AGBL3: variants seen among roughly 807,000 people sequenced by gnomAD.
AGBL3 encodes the protein cytosolic carboxypeptidase 3.
In AGBL3, 68 loss-of-function variants were observed where a neutral mutation model predicts 94.5. The ratio of observed to expected loss-of-function variants is 0.72; its 90% CI spans 0.59 to 0.88. AGBL3 has a LOEUF of 0.88. Among genes scored for constraint, AGBL3 ranks in the 40% least tolerant of loss-of-function variants. AGBL3 has a pLI of 0.00. For synonymous variants in AGBL3, 354 were observed against 370.7 expected (o/e 0.95, Z 0.52); for missense variants, 934 against 1,103.8 (o/e 0.85, Z 2.18).
At chr7:135,133,479 A>C (rs1046476007) in intron 16 of AGBL3, among the ~76,000 whole-genome samples, 2 of 152,232 alleles carry the variant, frequency 1.3e-5, no homozygotes, top group African/African-American at 2.4e-5. Flanking sequence ...CAATTTTGAC[A>C]AACAAGGATA....
chr7:135,010,188 T>C (rs6958457), intron 4 of AGBL3: 314,577 of 326,544 alleles, frequency 0.96, 152,533 homozygotes, highest in Non-Finnish European at 1. Context: ...GCCACCACGC[T>C]CAGCTAATTT....
chr7:135,000,955 A>C (rs1584780526), intron 4 of AGBL3, among the ~76,000 whole-genome samples: 1 of 152,194 alleles, frequency 6.6e-6, no homozygotes, highest in South Asian at 2.1e-4. Context: ...CAGGTATTCT[A>C]TACTATTTCC....
intron 8 of AGBL3, among the ~76,000 whole-genome samples, 192 bp from the exon 9 acceptor site, chr7:135,043,833 T>C (rs1328883865): frequency 6.6e-6 from 1 of 152,130 alleles, no homozygotes; most frequent in Non-Finnish European, 1.5e-5. Context: ...TTAGAATCTA[T>C]AGTTCTCAGA....
At chr7:135,109,263 C>T (rs10227500) in intron 15 of AGBL3, among the ~76,000 whole-genome samples, 73,508 of 152,040 alleles carry the variant, frequency 0.48, 18,142 homozygotes, top group South Asian at 0.66. Flanking sequence ...CTTGGGCCAT[C>T]GAACTGCCAG....
Position 135,115,461 on chromosome 7 carries a change from A to C in AGBL3, c.2192A>C (p.Asp731Ala), listed in dbSNP as rs757729721. The C allele has an allele frequency of 5.7e-4, 881 of 1,551,312 alleles. No individual in the cohort carries two copies. The highest frequency in any genetic ancestry group is 7.4e-4 in the Non-Finnish European group (850 of 1,146,788). ...AAGACTGGCATAAATTGGACAGATG[A>C]TGAAAAAAGAAGCTACAAGGATAAA... ...SKKTGINWTD[D>A]EKRSYKDKGI... Residue 731 changes from aspartate to alanine, a missense_variant, in exon 16 of 17, where the codon GAT becomes GCT. By Grantham distance (126) the Asp-to-Ala change is moderately radical. This residue lies in a region of AGBL3 where 441 missense variants were observed against 518.2 expected (regional missense o/e 0.85). Transcript: ENST00000436302.
At chr7:135,013,119 G>A (rs60560877) in intron 4 of AGBL3, among the ~76,000 whole-genome samples, 1,729 of 152,092 alleles carry the variant, frequency 0.011, 26 homozygotes, top group East Asian at 0.046. Flanking sequence ...CAAAAGACTC[G>A]AACAGACATT....
chr7:135,088,740 G>C (rs1247584933), intron 15 of AGBL3, among the ~76,000 whole-genome samples: 1 of 152,066 alleles, frequency 6.6e-6, no homozygotes, highest in East Asian at 1.9e-4. Context: ...GAAATCTGCT[G>C]TTAGTCTAAT....
At chr7:134,999,981 A>C (rs923150039) in intron 4 of AGBL3, among the ~76,000 whole-genome samples, 1 of 152,220 alleles carries the variant, frequency 6.6e-6, no homozygotes, top group African/African-American at 2.4e-5. Flanking sequence ...CCAGGTGGCC[A>C]TAGGATTTGG....
At chr7:135,133,529 A>T (rs1372028528) in intron 16 of AGBL3, among the ~76,000 whole-genome samples, 1 of 152,216 alleles carries the variant, frequency 6.6e-6, no homozygotes, top group Non-Finnish European at 1.5e-5. Context: ...AAGAACTTTT[A>T]TATAGCTAGA....
At chr7:135,058,768 C>T (rs1390239303) in intron 11 of AGBL3, among the ~76,000 whole-genome samples, 2 of 151,902 alleles carry the variant, frequency 1.3e-5, no homozygotes, top group Non-Finnish European at 2.9e-5. Flanking sequence ...TTCTTTTTTC[C>T]CCCCCAAGAC....
At chr7:134,996,555 T>C (rs11973318) in intron 4 of AGBL3, among the ~76,000 whole-genome samples, 18,366 of 152,222 alleles carry the variant, frequency 0.12, 1,253 homozygotes, top group East Asian at 0.19. Flanking sequence ...TACACAGTCA[T>C]CTATCTTGAA....
rs145262158 is a variant in AGBL3, at chr7:135,102,198, G to A, written c.2111-13182G>A. 2.3e-3 allele frequency among the ~76,000 whole-genome samples: 345 copies of A among 152,180 alleles called. 1 individual carries two copies. Among genetic ancestry groups the A allele is most frequent in the African/African-American group, 7.6e-3 (314 of 41,538 alleles). The stretch of plus-strand genomic sequence containing the variant: ...AAGTAAGGCTAAAGTCAAATTCACC[G>A]CTCCAAATCTGTGATTACTTAAATA... On this transcript the variant is annotated intron_variant, in intron 15 of 16. Coordinates refer to ENST00000436302, the MANE Select transcript of AGBL3 (RefSeq NM_178563.4).
At chr7:135,042,475 A>G (rs940302510) in intron 8 of AGBL3, among the ~76,000 whole-genome samples, 15 of 152,220 alleles carry the variant, frequency 9.9e-5, no homozygotes, top group African/African-American at 3.1e-4. Context: ...AAGCAAATCT[A>G]TAGTGACAGA....
intron 15 of AGBL3, among the ~76,000 whole-genome samples, chr7:135,086,715 G>A (rs1431448964): frequency 6.6e-6 from 1 of 151,854 alleles, no homozygotes; most frequent in East Asian, 1.9e-4. Flanking sequence ...TTTTTTCAAT[G>A]TGCTGCTGGG....
At chr7:135,048,746 C>T (rs981901676) in intron 11 of AGBL3, among the ~76,000 whole-genome samples, 2 of 122,838 alleles carry the variant, frequency 1.6e-5, no homozygotes, top group Admixed American at 8.6e-5. Flanking sequence ...GATTAGTTCT[C>T]ACAGTTGTTT....
intron 4 of AGBL3, among the ~76,000 whole-genome samples, chr7:135,000,217 G>C (rs1421808462): frequency 2.0e-5 from 3 of 152,292 alleles, no homozygotes; most frequent in East Asian, 3.9e-4. Flanking sequence ...TCAGTATAAT[G>C]GTTAATTTTA....
chr7:135,083,747 A>C (rs902788322), intron 15 of AGBL3, among the ~76,000 whole-genome samples: 1 of 152,150 alleles, frequency 6.6e-6, no homozygotes. Context: ...TTTCTTTGTC[A>C]TTCACAACAC....
chr7:135,034,622 C>T lies in AGBL3; in HGVS notation c.1031C>T (p.Thr344Ile), dbSNP rs141725502. The T allele has an allele frequency of 4.5e-6, 7 of 1,551,658 alleles. No homozygotes were observed. The highest frequency in any genetic ancestry group is 5.2e-6 in the Non-Finnish European group (6 of 1,146,952). ...RNMVYILTIT[T>I]PLKNSDSRKR... ...ATGGTGTATATTTTAACAATCACTA[C>T]CCCCTTGAAGAACTCTGACTCAAGA... Residue 344 changes from threonine (T) to isoleucine (I), a missense_variant, in exon 7 of 17, where the codon ACC becomes ATC. Physicochemically the swap from Thr to Ile is moderately conservative, Grantham distance 89. Around this residue, in one of 3 missense-constraint regions of AGBL3, gnomAD observed 488 missense variants for 563.6 expected, o/e 0.87. Transcript: ENST00000436302.
chr7:135,076,147 A>C (rs146585627), intron 12 of AGBL3, among the ~76,000 whole-genome samples: 134 of 152,320 alleles, frequency 8.8e-4, no homozygotes, highest in African/African-American at 3.2e-3. Flanking sequence ...TATATGAAGC[A>C]AAAAGAAAAC....
Sources: gnomAD v4.1 joint callset for allele counts (sites outside exome capture counted in the v4.1 genomes callset) on GRCh38, gnomAD v4.1.1 for gene constraint, gnomAD v4.1.1 regional missense constraint, MANE v1.5 for transcripts, NCBI Gene and HGNC (gene_info 2026-07-23, HGNC 2026-07-21) for gene names.